The following TYW1 variants were observed in gnomAD, a reference collection of about 807,000 sequenced individuals.
TYW1 encodes the protein S-adenosyl-L-methionine-dependent tRNA 4-demethylwyosine synthase TYW1.
A neutral mutation model predicts 96.2 loss-of-function variants in TYW1; 46 were observed. That is an observed-to-expected ratio of 0.48 (90% confidence interval 0.38 to 0.61). TYW1 has a LOEUF of 0.61. TYW1 is among the 20% of genes least tolerant of loss of function. TYW1 has a pLI of 0.00. For missense variants in TYW1, 684 were observed against 909.6 expected (o/e 0.75, Z 3.19); for synonymous variants, 274 against 323.0 (o/e 0.85, Z 1.63).
intron 13 of TYW1, among the ~76,000 whole-genome samples, chr7:67,151,489 G>T (rs912474179): frequency 2.6e-5 from 4 of 151,810 alleles, no homozygotes; most frequent in African/African-American, 9.7e-5. Flanking sequence ...CCAATACCTA[G>T]GTCTTTCTTT....
Position 67,023,544 on chromosome 7 carries a change from C to T in TYW1, c.862-1356C>T, listed in dbSNP as rs879741097. Among the ~76,000 whole-genome samples, 82 of 152,098 alleles carry T rather than the reference C, an allele frequency of 5.4e-4. 1 individual carries two copies. Among genetic ancestry groups the T allele is most frequent in the Admixed American group, 1.3e-3 (20 of 15,232 alleles). On this transcript the variant is annotated intron_variant, in intron 6 of 15. Transcript: ENST00000359626. ...GCAATTTGGGAGGCTGAGGCGGGCG[C>T]GTCACCTGAGGTCAAGAGTCTGAGA...
intron 13 of TYW1, among the ~76,000 whole-genome samples, chr7:67,171,688 A>G (rs967970752): frequency 5.3e-5 from 8 of 152,102 alleles, no homozygotes; most frequent in Non-Finnish European, 8.8e-5. Flanking sequence ...ACTAGTTAAG[A>G]ATTGTTACAT....
At chr7:67,236,949 T>A (rs10248812) in intron 15 of TYW1, among the ~76,000 whole-genome samples, 40,691 of 151,902 alleles carry the variant, frequency 0.27, 5,811 homozygotes, top group African/African-American at 0.36. Flanking sequence ...GCAGTGGCAC[T>A]GTCTCAGCTC....
At chr7:67,173,143 T>C (rs1584652880) in intron 13 of TYW1, among the ~76,000 whole-genome samples, 1 of 152,300 alleles carries the variant, frequency 6.6e-6, no homozygotes, top group Middle Eastern at 3.4e-3. Flanking sequence ...TTCAAATGTA[T>C]CTCATTTTCT....
intron 13 of TYW1, among the ~76,000 whole-genome samples, chr7:67,178,625 T>C (rs887992367): frequency 2.0e-5 from 3 of 152,132 alleles, no homozygotes; most frequent in Non-Finnish European, 4.4e-5. Context: ...AACCTAAACA[T>C]GGAGCAACAT....
intron 4 of TYW1, among the ~76,000 whole-genome samples, chr7:67,014,149 A>C (rs1392871020): frequency 6.6e-6 from 1 of 152,212 alleles, no homozygotes; most frequent in East Asian, 1.9e-4. Flanking sequence ...GAAATATACC[A>C]GGAGGTATAC....
intron 4 of TYW1, among the ~76,000 whole-genome samples, chr7:67,011,532 C>T (rs565631520): frequency 3.3e-5 from 5 of 152,300 alleles, no homozygotes; most frequent in East Asian, 1.9e-4. Context: ...CTAGCTGCAT[C>T]GTAGAGCTTA....
At chr7:67,148,638 A>G (rs1334460765) in intron 13 of TYW1, among the ~76,000 whole-genome samples, 2 of 151,992 alleles carry the variant, frequency 1.3e-5, no homozygotes, top group Non-Finnish European at 2.9e-5. Context: ...TCACTGTGTT[A>G]GCCAGGATGG....
intron 4 of TYW1, among the ~76,000 whole-genome samples, chr7:67,014,076 C>T (rs1217423213): frequency 6.6e-6 from 1 of 152,022 alleles, no homozygotes; most frequent in Non-Finnish European, 1.5e-5. Flanking sequence ...GATTTTGTTT[C>T]CACTGTGGCA....
At chr7:67,230,439 T>G (rs1563082015) in intron 15 of TYW1, among the ~76,000 whole-genome samples, 1 of 150,948 alleles carries the variant, frequency 6.6e-6, no homozygotes, top group East Asian at 1.9e-4. Flanking sequence ...AGTTAAAAAG[T>G]CCAAGTTTAT....
chr7:67,013,315 G>A (rs1261432061), intron 4 of TYW1, among the ~76,000 whole-genome samples: 9 of 151,730 alleles, frequency 5.9e-5, no homozygotes, highest in Non-Finnish European at 1.3e-4. Context: ...TAGAGATGGG[G>A]TTTCACTGTG....
intron 3 of TYW1, among the ~76,000 whole-genome samples, chr7:67,008,686 G>T (rs1453108466): frequency 1.3e-5 from 2 of 151,756 alleles, no homozygotes; most frequent in East Asian, 3.9e-4. Context: ...ATTTATTTTG[G>T]AGATGGAGTT....
chr7:67,076,131 G>A (rs1796194082), intron 10 of TYW1, among the ~76,000 whole-genome samples: 1 of 152,124 alleles, frequency 6.6e-6, no homozygotes. Flanking sequence ...GTTCTCCTCT[G>A]CCTTTGCCTC....
chr7:67,100,684 A>AAAATAC (rs1337100309), intron 12 of TYW1, among the ~76,000 whole-genome samples: 1 of 151,860 alleles, frequency 6.6e-6, no homozygotes, highest in South Asian at 2.1e-4. Context: ...GTCTCTACTA[A>AAAATAC]AAATACAAAT....
intron 13 of TYW1, among the ~76,000 whole-genome samples, chr7:67,161,463 C>G (rs1282397236): frequency 6.6e-6 from 1 of 152,130 alleles, no homozygotes; most frequent in Non-Finnish European, 1.5e-5. Flanking sequence ...TACCACGTAT[C>G]TTTTGGAATT....
At chr7:67,191,741 C>CG (rs1317791498) in intron 14 of TYW1, among the ~76,000 whole-genome samples, 1 of 150,974 alleles carries the variant, frequency 6.6e-6, no homozygotes, top group Non-Finnish European at 1.5e-5. Context: ...AGTGAGAGCT[C>CG]GGGGTCCCTG....
At chr7:67,236,460 T>C (rs187558054) in intron 15 of TYW1, among the ~76,000 whole-genome samples, 110 of 152,262 alleles carry the variant, frequency 7.2e-4, no homozygotes, top group African/African-American at 2.6e-3. Flanking sequence ...ATGGAGGTGG[T>C]GTGAGCGGCC....
intron 13 of TYW1, among the ~76,000 whole-genome samples, chr7:67,166,543 CT>C (rs1799337599): frequency 3.7e-5 from 3 of 80,292 alleles, no homozygotes; most frequent in South Asian, 4.2e-4. Flanking sequence ...AGCCCCTCCC[CT>C]CTCTAAAAAT....
intron 7 of TYW1, among the ~76,000 whole-genome samples, chr7:67,045,373 G>C (rs1795156275): frequency 7.0e-6 from 1 of 142,450 alleles, no homozygotes. Context: ...ACCACACCTG[G>C]CTAATTAAAA....
Sources: gnomAD v4.1 joint callset for allele counts (sites outside exome capture counted in the v4.1 genomes callset) on GRCh38, gnomAD v4.1.1 for gene constraint, MANE v1.5 for transcripts, NCBI Gene and HGNC (gene_info 2026-07-23, HGNC 2026-07-21) for gene names.